The following SLIT3 variants were observed in gnomAD, a reference collection of about 807,000 sequenced individuals.
SLIT3 encodes the protein slit homolog 3 protein.
Under a neutral mutation model 184.0 loss-of-function variants are expected in SLIT3, and 68 were observed. The observed-to-expected ratio is 0.37, with a 90% CI of 0.30 to 0.45. The LOEUF (loss-of-function observed/expected upper bound fraction) is 0.45. Ranked by LOEUF, SLIT3 falls within the 20% of genes least tolerant of loss-of-function variation. SLIT3 has a pLI of 1.00. For synonymous variants in SLIT3, 831 were observed against 828.6 expected, an observed-to-expected ratio of 1.00 and a Z score of -0.05; for missense variants, 1,707 against 2,026.0, an observed-to-expected ratio of 0.84 and a Z score of 3.02.
At chr5:168,842,468 C>CTTTTTTTTTTT (rs1561962519) in intron 6 of SLIT3, among the ~76,000 whole-genome samples, 2 of 61,316 alleles carry the variant, frequency 3.3e-5, no homozygotes, top group African/African-American at 2.4e-4. Context: ...ACCGTTTTTT[C>CTTTTTTTTTTT]GTTTTTTTTT....
intron 4 of SLIT3, among the ~76,000 whole-genome samples, chr5:169,163,118 C>T (rs1762530051): frequency 2.0e-5 from 3 of 151,900 alleles, no homozygotes; most frequent in South Asian, 2.1e-4. Context: ...GTCAGGTGTT[C>T]GAGACCAGCC....
chr5:169,291,271 C>A (rs989059479), intron 1 of SLIT3, among the ~76,000 whole-genome samples: 1 of 152,050 alleles, frequency 6.6e-6, no homozygotes, highest in Non-Finnish European at 1.5e-5. Flanking sequence ...TGACTCCTGC[C>A]GACATTTGAG....
At chr5:168,811,421 A>G (rs1413893053) in intron 8 of SLIT3, among the ~76,000 whole-genome samples, 1 of 152,190 alleles carries the variant, frequency 6.6e-6, no homozygotes, top group Non-Finnish European at 1.5e-5. Flanking sequence ...AGTGAACAAC[A>G]ATGTTTTAAT....
At chr5:169,069,893 A>G (rs1758482891) in intron 4 of SLIT3, among the ~76,000 whole-genome samples, 1 of 152,180 alleles carries the variant, frequency 6.6e-6, no homozygotes, top group African/African-American at 2.4e-5. Flanking sequence ...GTAGTGGGGA[A>G]CCCTCGGAAA....
intron 4 of SLIT3, chr5:169,036,135 TA>T (rs1433500645): frequency 2.0e-5 from 3 of 152,202 alleles, no homozygotes; most frequent in Admixed American, 1.3e-4. Context: ...TTGTAGCCAT[TA>T]ACATGGAAAG....
At chr5:168,985,432 C>T (rs922783463) in intron 4 of SLIT3, among the ~76,000 whole-genome samples, 2 of 152,172 alleles carry the variant, frequency 1.3e-5, no homozygotes, top group Non-Finnish European at 2.9e-5. Context: ...CAAGGGGAGT[C>T]TGTGTCCTGG....
intron 10 of SLIT3, among the ~76,000 whole-genome samples, chr5:168,794,697 A>G (rs77392812): frequency 0.012 from 1,831 of 152,292 alleles, 19 homozygotes; most frequent in Middle Eastern, 0.031. Flanking sequence ...TACCACGGTA[A>G]AGGATGCATG....
chr5:169,201,901 T>TTAACCACC (rs1195553109), intron 3 of SLIT3, among the ~76,000 whole-genome samples: 1 of 152,222 alleles, frequency 6.6e-6, no homozygotes, highest in Non-Finnish European at 1.5e-5. Context: ...GAGGACTATC[T>TTAACCACC]TAACCACCAG....
intron 4 of SLIT3, among the ~76,000 whole-genome samples, chr5:169,169,030 C>A (rs917145552): frequency 2.0e-5 from 2 of 98,128 alleles, no homozygotes; most frequent in Non-Finnish European, 5.4e-5. Context: ...GCAGGGTCAG[C>A]CCAGAGTGGG....
intron 5 of SLIT3, among the ~76,000 whole-genome samples, chr5:168,861,444 A>T (rs896414941): frequency 6.8e-6 from 1 of 147,526 alleles, no homozygotes; most frequent in Admixed American, 6.9e-5. Context: ...CCATTTCAAT[A>T]GGCAGCAAGG....
At chr5:169,117,529 A>G (rs1342177074) in intron 4 of SLIT3, among the ~76,000 whole-genome samples, 3 of 152,190 alleles carry the variant, frequency 2.0e-5, no homozygotes, top group Non-Finnish European at 4.4e-5. Flanking sequence ...TCAGGACAGA[A>G]ATAGTGGAAT....
chr5:169,299,676 C>G (rs967556685), intron 1 of SLIT3, among the ~76,000 whole-genome samples: 1 of 152,096 alleles, frequency 6.6e-6, no homozygotes, highest in East Asian at 1.9e-4. Flanking sequence ...GTTTCCAAAA[C>G]GTTGACATAT....
At chr5:168,726,334 TA>T (rs1351640328) in intron 20 of SLIT3, among the ~76,000 whole-genome samples, 1 of 117,060 alleles carries the variant, frequency 8.5e-6, no homozygotes, top group East Asian at 2.6e-4. Flanking sequence ...AAATCAAATA[TA>T]GGTGGAGAGG....
intron 4 of SLIT3, among the ~76,000 whole-genome samples, chr5:169,185,088 T>TAC (rs1763290070): frequency 2.6e-5 from 4 of 152,168 alleles, no homozygotes. Context: ...CTTCAGGTAC[T>TAC]ACAGAGAGAA....
At chr5:168,774,120 T>C in intron 13 of SLIT3, 115 bp downstream of exon 13, 2 of 1,017,100 alleles carry the variant, frequency 2.0e-6, no homozygotes, top group Non-Finnish European at 2.9e-6. Context: ...CCCTGCAGGC[T>C]CTAGAACTCC....
intron 33 of SLIT3, among the ~76,000 whole-genome samples, chr5:168,672,821 C>G (rs1172182943): frequency 6.6e-6 from 1 of 152,152 alleles, no homozygotes; most frequent in Non-Finnish European, 1.5e-5. Context: ...CTTCTACATT[C>G]ATTAATTGAA....
chr5:169,173,588 A>C (rs1013778599), intron 4 of SLIT3, among the ~76,000 whole-genome samples: 1 of 152,126 alleles, frequency 6.6e-6, no homozygotes, highest in Admixed American at 6.5e-5. Flanking sequence ...CAAATGTTCT[A>C]ATCTGGGCAG....
At chr5:168,736,573 C>T (rs566023583) in intron 20 of SLIT3, among the ~76,000 whole-genome samples, 2 of 152,304 alleles carry the variant, frequency 1.3e-5, no homozygotes, top group East Asian at 3.9e-4. Context: ...AGAGAAGGCC[C>T]AGCTGTCAGG....
chr5:169,228,970 A>G (rs1466863386), intron 3 of SLIT3, among the ~76,000 whole-genome samples: 1 of 152,238 alleles, frequency 6.6e-6, no homozygotes, highest in Admixed American at 6.5e-5. Context: ...TCCAGCGCAC[A>G]GCCATGTAAT....
Sources: allele counts gnomAD v4.1 joint callset (sites outside exome capture counted in the v4.1 genomes callset), GRCh38; gene constraint gnomAD v4.1.1; transcripts MANE v1.5; gene names NCBI Gene and HGNC (gene_info 2026-07-23, HGNC 2026-07-21).